The following SYNDIG1 variants were observed in gnomAD, a reference collection of about 807,000 sequenced individuals.
SYNDIG1 encodes synapse differentiation inducing 1, also known as synapse differentiation-inducing gene protein 1.
A neutral mutation model predicts 19.4 loss-of-function variants in SYNDIG1; 9 were observed. That is an observed-to-expected ratio of 0.46 (90% CI 0.28 to 0.81). The LOEUF is 0.81. Among genes scored for constraint, SYNDIG1 ranks in the 30% least tolerant of loss-of-function variants. The probability of loss-of-function intolerance (pLI) is 0.12; values close to 1 mark genes in which losing one functional copy is unlikely to be tolerated. For missense variants in SYNDIG1, 311 were observed against 343.3 expected (o/e 0.91, Z 0.74); for synonymous variants, 141 against 145.9 (o/e 0.97, Z 0.24).
chr20:24,550,235 T>C (rs2057678653), intron 2 of SYNDIG1, among the ~76,000 whole-genome samples: 1 of 152,212 alleles, frequency 6.6e-6, no homozygotes, highest in African/African-American at 2.4e-5. Context: ...CTGTTTGTTG[T>C]TGGAGACCTA....
At chr20:24,533,776 A>G (rs949108399) in intron 1 of SYNDIG1, among the ~76,000 whole-genome samples, 1 of 152,130 alleles carries the variant, frequency 6.6e-6, no homozygotes, top group African/African-American at 2.4e-5. Context: ...CCTGACCTGT[A>G]TGTGAGCCGT....
At chr20:24,593,223 GT>G (rs1432575713) in intron 3 of SYNDIG1, among the ~76,000 whole-genome samples, 1 of 152,170 alleles carries the variant, frequency 6.6e-6, no homozygotes, top group Non-Finnish European at 1.5e-5. Flanking sequence ...CGGCCCCATT[GT>G]CTGTTGTTCC....
rs190371420 is a variant in SYNDIG1 at position 24,603,223 on chromosome 20, A to G, written c.618+18230A>G. Among the ~76,000 whole-genome samples, 15 of 152,266 alleles carry G rather than the reference A, an allele frequency of 9.9e-5. No homozygotes were observed. In the East Asian group the frequency reaches 2.9e-3, roughly 29 times the overall value. On this transcript the variant is annotated intron_variant, in intron 3 of 3. Transcript: ENST00000376862. ...GAACCATGTGGTTTATAAATGCAGC[A>G]TTACCAAAAAGTGTCCGGAGTTGGG...
intron 2 of SYNDIG1, among the ~76,000 whole-genome samples, chr20:24,574,729 A>G (rs186123259): frequency 1.8e-4 from 27 of 152,320 alleles, no homozygotes; most frequent in African/African-American, 6.5e-4. Flanking sequence ...ATATAATGAT[A>G]TGTCTTATCA....
intron 3 of SYNDIG1, among the ~76,000 whole-genome samples, chr20:24,591,234 A>T (rs887878429): frequency 1.3e-4 from 19 of 150,836 alleles, no homozygotes; most frequent in East Asian, 3.9e-4. Flanking sequence ...CAAAAATTTT[A>T]AAAAAAAAAA....
At chr20:24,561,216 G>A (rs1180018720) in intron 2 of SYNDIG1, among the ~76,000 whole-genome samples, 1 of 152,120 alleles carries the variant, frequency 6.6e-6, no homozygotes, top group Non-Finnish European at 1.5e-5. Context: ...AGCCCCTGCT[G>A]CCTGTCTGGC....
intron 1 of SYNDIG1, among the ~76,000 whole-genome samples, chr20:24,530,619 A>G (rs1359492011): frequency 1.3e-5 from 2 of 152,170 alleles, no homozygotes; most frequent in African/African-American, 4.8e-5. Flanking sequence ...TACTATTTAC[A>G]CAAAAGGCTT....
intron 2 of SYNDIG1, among the ~76,000 whole-genome samples, chr20:24,566,653 T>C (rs114837853): frequency 2.5e-3 from 374 of 152,230 alleles, no homozygotes; most frequent in African/African-American, 8.7e-3. Flanking sequence ...AATCCTCATC[T>C]CATGGAAAGA....
intron 3 of SYNDIG1, among the ~76,000 whole-genome samples, chr20:24,653,254 G>A (rs1474604561): frequency 2.0e-5 from 3 of 152,162 alleles, no homozygotes; most frequent in Non-Finnish European, 2.9e-5. Flanking sequence ...TGGTGATCAT[G>A]CAGTGTGGCT....
At chr20:24,615,372 C>G (rs1361610867) in intron 3 of SYNDIG1, among the ~76,000 whole-genome samples, 2 of 152,188 alleles carry the variant, frequency 1.3e-5, no homozygotes, top group Non-Finnish European at 2.9e-5. Context: ...TGGGTTCAGC[C>G]TGGGTCTTCC....
intron 1 of SYNDIG1, among the ~76,000 whole-genome samples, chr20:24,532,221 G>A (rs1325242960): frequency 6.6e-6 from 1 of 152,184 alleles, no homozygotes; most frequent in Non-Finnish European, 1.5e-5. Flanking sequence ...AAGAGCTAAA[G>A]GATAGCAACC....
At chr20:24,610,655 A>G (rs561287783) in intron 3 of SYNDIG1, among the ~76,000 whole-genome samples, 4 of 152,364 alleles carry the variant, frequency 2.6e-5, no homozygotes, top group Non-Finnish European at 2.9e-5. Context: ...TTTATTATGC[A>G]TGAAAGTTGA....
intron 2 of SYNDIG1, among the ~76,000 whole-genome samples, chr20:24,572,939 G>T (rs753393792): frequency 1.2e-4 from 19 of 152,134 alleles, no homozygotes; most frequent in Non-Finnish European, 2.6e-4. Flanking sequence ...TGGATGGATG[G>T]ATGTCAGGTT....
At chr20:24,610,877 C>T (rs1426079488) in intron 3 of SYNDIG1, among the ~76,000 whole-genome samples, 1 of 152,174 alleles carries the variant, frequency 6.6e-6, no homozygotes, top group Non-Finnish European at 1.5e-5. Context: ...GCACCTTTGC[C>T]TTGTCAAGAA....
intron 1 of SYNDIG1, among the ~76,000 whole-genome samples, chr20:24,529,781 G>A (rs1272641233): frequency 2.0e-5 from 3 of 151,980 alleles, no homozygotes; most frequent in Non-Finnish European, 4.4e-5. Flanking sequence ...CAGTTTCAGT[G>A]GTGGGGACGG....
chr20:24,568,140 C>CA (rs556587523), intron 2 of SYNDIG1, among the ~76,000 whole-genome samples: 25 of 151,210 alleles, frequency 1.7e-4, no homozygotes, highest in South Asian at 1.5e-3. Flanking sequence ...GAGTCTGTCT[C>CA]AAAAAAAACA....
At position 24,535,379 on chromosome 20, in the gene SYNDIG1, T is replaced by C. The variant is rs2057340639; in HGVS notation, c.-78-7641T>C. On this transcript the variant is annotated intron_variant, in intron 1 of 3. Coordinates refer to ENST00000376862, the MANE Select transcript of SYNDIG1 (RefSeq NM_024893.3). ...ACTACTGAATTTCTGGCTAGAATAG[T>C]TCCTTCCCAAATGGAAGGTTTATTT... Among the ~76,000 whole-genome samples, 5 of 152,010 alleles carry C rather than the reference T, an allele frequency of 3.3e-5. 1 individual carries two copies. In the South Asian group the frequency reaches 8.5e-4, roughly 26 times the overall value.
intron 3 of SYNDIG1, among the ~76,000 whole-genome samples, chr20:24,620,412 G>A (rs1485725976): frequency 1.3e-5 from 2 of 152,186 alleles, no homozygotes; most frequent in Non-Finnish European, 2.9e-5. Flanking sequence ...GGTCATCAGT[G>A]CTGGCTGTTT....
At chr20:24,629,335 G>A (rs2059206301) in intron 3 of SYNDIG1, among the ~76,000 whole-genome samples, 1 of 152,210 alleles carries the variant, frequency 6.6e-6, no homozygotes, top group African/African-American at 2.4e-5. Context: ...TTCCTCAGCA[G>A]TGTCTTAGGA....
Sources: gnomAD v4.1 joint callset for allele counts (sites outside exome capture counted in the v4.1 genomes callset) on GRCh38, gnomAD v4.1.1 for gene constraint, MANE v1.5 for transcripts, NCBI Gene and HGNC (gene_info 2026-07-23, HGNC 2026-07-21) for gene names.